U2SURP: variants seen among roughly 807,000 people sequenced by gnomAD.
The protein encoded by U2SURP is U2 snRNP associated SURP domain containing, also known as U2 snRNP-associated SURP motif-containing protein.
Under a neutral mutation model 144.9 loss-of-function variants are expected in U2SURP, and 9 were observed. The ratio of observed to expected loss-of-function variants is 0.06; its 90% CI spans 0.04 to 0.11. U2SURP has a LOEUF of 0.11. Ranked by LOEUF, U2SURP falls within the 10% of genes least tolerant of loss-of-function variation. The pLI is 1.00. For missense variants in U2SURP, 724 were observed against 1,226.7 expected (o/e 0.59, Z 6.12); for synonymous variants, 408 against 396.8 (o/e 1.03, Z -0.33).
chr3:143,056,691 T>C lies in U2SURP; in HGVS notation c.*241T>C. On this transcript the variant is annotated 3_prime_UTR_variant, in exon 28 of 28. Coordinates refer to ENST00000473835, the MANE Select transcript of U2SURP (RefSeq NM_001080415.2). ...ATGAAATTTTTATTGTTCTAATGGATTTCATCAGAAATGTGTATAATGGAT... is the reference window on the plus strand; with the variant it reads ...ATGAAATTTTTATTGTTCTAATGGACTTCATCAGAAATGTGTATAATGGAT... The C allele has an allele frequency of 2.4e-6, 1 of 410,262 alleles. No homozygotes were observed. Among genetic ancestry groups the C allele is most frequent in the Non-Finnish European group, 4.4e-6 (1 of 228,282 alleles). The allele number at this position is 410,262 out of a possible 1,614,324, so 25.4% of individuals were successfully genotyped here.
chr3:143,047,944 T>C lies in U2SURP; in HGVS notation c.2545-2995T>C, dbSNP rs528727307. Among the ~76,000 whole-genome samples the C allele has an allele frequency of 1.7e-3, 265 of 151,754 alleles. 2 individuals carry two copies. The highest frequency in any genetic ancestry group is 2.9e-3 in the Non-Finnish European group (197 of 67,914). On this transcript the variant is annotated intron_variant, in intron 24 of 27. Coordinates refer to ENST00000473835, the MANE Select transcript of U2SURP (RefSeq NM_001080415.2). ...CAGTTCTTAATCTTTCACATACCAC[T>C]GAGAGCAGTGCCTAGGCTGGAGTTT...
At chr3:143,042,676 T>A (rs1224417108) in intron 23 of U2SURP, among the ~76,000 whole-genome samples, 2 of 152,152 alleles carry the variant, frequency 1.3e-5, no homozygotes, top group African/African-American at 2.4e-5. Flanking sequence ...AACTTTCACT[T>A]ATAAATGAGA....
At chr3:143,024,461 T>G in intron 13 of U2SURP, 1 of 439,250 alleles carries the variant, frequency 2.3e-6, no homozygotes, top group Non-Finnish European at 4.5e-6. Context: ...GCTTTGTTTT[T>G]TGTTTTTTCA....
intron 3 of U2SURP, 99 bp from the exon 4 acceptor site, chr3:143,014,212 C>A: frequency 3.2e-6 from 2 of 630,954 alleles, no homozygotes; most frequent in Non-Finnish European, 4.9e-6. Flanking sequence ...TAAAAAAAAA[C>A]GGCAGTCTAT....
At chr3:143,043,330 A>G (rs1934218014) in intron 24 of U2SURP, 54 bp downstream of exon 24, 3 of 1,524,920 alleles carry the variant, frequency 2.0e-6, no homozygotes, top group African/African-American at 2.8e-5. Context: ...CACTTTCTCC[A>G]CCAAACTAAG....
At chr3:143,011,353 A>C (rs1431104983) in intron 2 of U2SURP, among the ~76,000 whole-genome samples, 1 of 152,174 alleles carries the variant, frequency 6.6e-6, no homozygotes, top group Non-Finnish European at 1.5e-5. Flanking sequence ...TAATACTACA[A>C]TAAGTATTTT....
At chr3:143,002,956 T>A (rs1935615425) in intron 1 of U2SURP, among the ~76,000 whole-genome samples, 1 of 152,174 alleles carries the variant, frequency 6.6e-6, no homozygotes, top group Admixed American at 6.5e-5. Context: ...CTACCAACTC[T>A]TCTCAACAGA....
At chr3:143,013,281 T>C (rs917655409) in intron 3 of U2SURP, among the ~76,000 whole-genome samples, 1 of 152,106 alleles carries the variant, frequency 6.6e-6, no homozygotes, top group African/African-American at 2.4e-5. Context: ...CCAAAGAGAC[T>C]GAATGATGGC....
intron 24 of U2SURP, among the ~76,000 whole-genome samples, chr3:143,045,548 T>C (rs1456267614): frequency 6.6e-6 from 1 of 152,206 alleles, no homozygotes; most frequent in Non-Finnish European, 1.5e-5. Context: ...GAGGAAAGCA[T>C]GTAATTTAGC....
rs1933599652 is a variant in U2SURP at position 143,033,150 on chromosome 3, A to G, written c.1774-121A>G. On this transcript the variant is annotated intron_variant, in intron 17 of 27. Transcript: ENST00000473835. ...TGGGTTAACAAATTTCATCTCTGCCAGAGTCATAGTTGTGGTGATACTGAG... is the reference window on the plus strand; with the variant it reads ...TGGGTTAACAAATTTCATCTCTGCCGGAGTCATAGTTGTGGTGATACTGAG... 4.3e-5 allele frequency: 35 copies of G among 819,972 alleles called. No homozygotes were observed. In the South Asian group the frequency reaches 6.3e-4, roughly 15 times the overall value. 50.8% of individuals were successfully genotyped at this position (819,972 alleles called of 1,614,324 possible). A position where few individuals can be genotyped will look rare whatever the true frequency, so the allele number is the denominator to read the frequency against.
chr3:143,018,650 T>C (rs1936495551), intron 6 of U2SURP, among the ~76,000 whole-genome samples: 1 of 151,940 alleles, frequency 6.6e-6, no homozygotes, highest in Non-Finnish European at 1.5e-5. Flanking sequence ...TTTTCCAAAG[T>C]GGTTGTATCA....
At chr3:143,026,951 A>G (rs1215488198) in intron 13 of U2SURP, 198 bp from the exon 14 acceptor site, 2 of 429,766 alleles carry the variant, frequency 4.7e-6, no homozygotes, top group Admixed American at 4.1e-5. Context: ...ATCCCCTCCC[A>G]CTTCCCTACT....
chr3:143,038,230 T>C, intron 22 of U2SURP, 27 bp downstream of exon 22: 1 of 1,491,374 alleles, frequency 6.7e-7, no homozygotes, highest in Non-Finnish European at 9.1e-7. Flanking sequence ...TAAATATTTT[T>C]TAAATTAAGT....
At chr3:143,008,619 T>TTTTTG (rs1324747491) in intron 1 of U2SURP, among the ~76,000 whole-genome samples, 2 of 152,268 alleles carry the variant, frequency 1.3e-5, no homozygotes, top group Non-Finnish European at 2.9e-5. Flanking sequence ...TGGATTTTTC[T>TTTTTG]CGAAGTTTTT....
chr3:143,016,367 T>G lies in U2SURP; in HGVS notation c.432T>G (p.Ala144=). 6.2e-7 allele frequency: 1 copy of G among 1,611,610 alleles called. No homozygotes were observed. Among genetic ancestry groups the G allele is most frequent in the Non-Finnish European group, 8.5e-7 (1 of 1,178,238 alleles). ...TGCGAGGGGGTGTTGTTAATGCAGCTAAAGGTAAGTTTATAAAGTATAACT... is the reference window on the plus strand; with the variant it reads ...TGCGAGGGGGTGTTGTTAATGCAGCGAAAGGTAAGTTTATAAAGTATAACT... The part of the protein sequence containing the change: ...TFVRGGVVNA[A]KEEHETDEKR... The change falls in exon 5 of 28, where the codon GCT becomes GCG. Residue 144 remains alanine, a synonymous_variant. Transcript: ENST00000473835.
intron 13 of U2SURP, chr3:143,025,849 G>A (rs1020082707): frequency 6.6e-6 from 1 of 151,956 alleles, no homozygotes; most frequent in Non-Finnish European, 1.5e-5. Context: ...TTGTTTGAAA[G>A]CTATGAGAAA....
chr3:143,046,297 A>ATTTT (rs11400849), intron 24 of U2SURP, among the ~76,000 whole-genome samples: 3 of 106,394 alleles, frequency 2.8e-5, no homozygotes, highest in East Asian at 3.3e-4. Context: ...TTTATTTTTT[A>ATTTT]TTTTTTTTTA....
intron 7 of U2SURP, among the ~76,000 whole-genome samples, 182 bp from the exon 8 acceptor site, chr3:143,020,417 A>G (rs1215058543): frequency 4.6e-5 from 7 of 152,170 alleles, no homozygotes; most frequent in Non-Finnish European, 8.8e-5. Context: ...GTAGTATGAT[A>G]TATCAGAAAT....
At position 143,056,580 on chromosome 3, in the gene U2SURP, A is replaced by G. The variant is rs1935163862; in HGVS notation, c.*130A>G. The G allele has an allele frequency of 9.3e-7, 1 of 1,071,334 alleles. No homozygotes were observed. Among genetic ancestry groups the G allele is most frequent in the Non-Finnish European group, 1.3e-6 (1 of 758,226 alleles). The allele number at this position is 1,071,334 out of a possible 1,614,324, so 66.4% of individuals were successfully genotyped here. A position where few individuals can be genotyped will look rare whatever the true frequency, so the allele number is the denominator to read the frequency against. On this transcript the variant is annotated 3_prime_UTR_variant, in exon 28 of 28. Transcript: ENST00000473835. ...GGGTTTTTTGTTTGTTTGTGTATGC[A>G]TGTGTAAACTCATGAGCAACTGCAT...
Sources: allele counts gnomAD v4.1 joint callset (sites outside exome capture counted in the v4.1 genomes callset), GRCh38; gene constraint gnomAD v4.1.1; transcripts MANE v1.5; gene names NCBI Gene and HGNC (gene_info 2026-07-23, HGNC 2026-07-21).